Variants in CCR6 observed in about 807,000 individuals in gnomAD.
CCR6 encodes C-C motif chemokine receptor 6, also known as C-C chemokine receptor type 6.
In CCR6, 2 loss-of-function variants were observed where a neutral mutation model predicts 3.0. That is an observed-to-expected ratio of 0.66 (90% confidence interval 0.27 to 2.07). The LOEUF (loss-of-function observed/expected upper bound fraction) is 2.07, where lower values mean the gene tolerates loss of function less well. Ranked by LOEUF, CCR6 falls within the 30% of genes most tolerant of loss-of-function variation. CCR6 has a pLI of 0.14. For missense variants in CCR6, 322 were observed against 462.8 expected (o/e 0.70, Z 2.79); for synonymous variants, 193 against 184.3 (o/e 1.05, Z -0.38).
chr6:167,131,672 C>T, intron 1 of CCR6: 1 of 153,552 alleles, frequency 6.5e-6, no homozygotes. Flanking sequence ...CCCACCGTCC[C>T]CGCCTCTGTC....
chr6:167,136,070 T>G lies in CCR6; in HGVS notation c.-65T>G. Reference sequence around the variant, plus strand: ...TCTACTTTCCTGCTACCGCTGCCTGTGAGCTGAAGGGGCTGAACCATACAC... The same window carrying G: ...TCTACTTTCCTGCTACCGCTGCCTGGGAGCTGAAGGGGCTGAACCATACAC... On this transcript the variant is annotated 5_prime_UTR_variant, in exon 2 of 3. Transcript: ENST00000341935. This position sits in a 1 kb window ranked among gnomAD's most constrained non-coding sequence, Gnocchi z 4.6. 1 of 1,577,822 alleles carries G rather than the reference T, an allele frequency of 6.3e-7. No homozygotes were observed. Among genetic ancestry groups the G allele is most frequent in the Non-Finnish European group, 8.6e-7 (1 of 1,161,660 alleles).
intron 1 of CCR6, among the ~76,000 whole-genome samples, chr6:167,134,391 G>T (rs1781818154): frequency 6.6e-6 from 1 of 152,176 alleles, no homozygotes; most frequent in Non-Finnish European, 1.5e-5. Flanking sequence ...TTACAAAAGT[G>T]CAGAGGTGAC....
At chr6:167,114,967 C>A (rs564239875) in intron 1 of CCR6, 1 of 152,362 alleles carries the variant, frequency 6.6e-6, no homozygotes, top group East Asian at 1.9e-4. Flanking sequence ...GCTTTCAGAT[C>A]TCTTTCTGGT....
At chr6:167,122,904 C>T (rs987652590), upstream of CCR6, 4 of 152,376 alleles carry the variant, frequency 2.6e-5, no homozygotes, top group African/African-American at 9.7e-5. The surrounding 1 kb of genome is among the most constrained non-coding windows in gnomAD (Gnocchi z 4.2). Flanking sequence ...CTGTCTTCCT[C>T]TGGGGAGTTC....
chr6:167,129,483 T>C (rs987053077), intron 1 of CCR6: 1 of 152,262 alleles, frequency 6.6e-6, no homozygotes, highest in African/African-American at 2.4e-5. Context: ...TTATCTTCTT[T>C]CTCTCTGCAA....
intron 1 of CCR6, among the ~76,000 whole-genome samples, chr6:167,135,428 G>A (rs549433555): frequency 2.6e-5 from 4 of 152,328 alleles, no homozygotes; most frequent in East Asian, 3.9e-4. Context: ...CCTCTCCAGC[G>A]CCTTCCCAGG....
intron 1 of CCR6, chr6:167,117,045 A>T (rs1416704852): frequency 6.6e-6 from 1 of 152,212 alleles, no homozygotes; most frequent in African/African-American, 2.4e-5. Flanking sequence ...GCTGTCCATC[A>T]TCCATCACTG....
rs768420505 is a variant in CCR6 at position 167,136,734 on chromosome 6, C to A, written c.504C>A (p.Cys168Ter). 1 of 1,614,042 alleles carries A rather than the reference C, an allele frequency of 6.2e-7. No homozygotes were observed. Among genetic ancestry groups the A allele is most frequent in the South Asian group, 1.1e-5 (1 of 91,080 alleles). ...CACTACCGCGCAGCAAAATCATCTG[C>A]CTTGTTGTGTGGGGGCTGTCAGTCA... ...SRTLPRSKII[C>*]LVVWGLSVII... The change falls in exon 3 of 3, where the codon TGC becomes TGA. Residue 168 changes from cysteine (C) to a stop codon, truncating the protein, a stop_gained. Transcript: ENST00000341935. LOFTEE classifies it low-confidence loss of function (END_TRUNC). This position sits in a 1 kb window ranked among gnomAD's most constrained non-coding sequence, Gnocchi z 4.6.
intron 1 of CCR6, chr6:167,112,127 A>T (rs960446986): frequency 6.6e-6 from 1 of 152,192 alleles, no homozygotes; most frequent in Non-Finnish European, 1.5e-5. Context: ...TTATCAAGTC[A>T]TGCATTGCGA....
rs182569987 is a variant in CCR6 at position 167,112,842 on chromosome 6, C to T, written c.-98+828C>T. Among the ~76,000 whole-genome samples the T allele has an allele frequency of 2.0e-3, 309 of 152,214 alleles. 1 individual carries two copies. The highest frequency in any genetic ancestry group is 7.1e-3 in the African/African-American group (294 of 41,520). On this transcript the variant is annotated intron_variant, in intron 1 of 2. Transcript: ENST00000400926. Reference sequence around the variant, plus strand: ...ACAGATGTGTCTGGAACGTGTGTCTCTGGATACACTGATGGGTCTGCTTCA... The same window carrying T: ...ACAGATGTGTCTGGAACGTGTGTCTTTGGATACACTGATGGGTCTGCTTCA...
At position 167,136,835 on chromosome 6, in the gene CCR6, A is replaced by G. The variant is rs749023321; in HGVS notation, c.605A>G (p.Gln202Arg). ...QGSDVCEPKY[Q>R]TVSEPIRWKL... ...AGCGATGTCTGTGAACCCAAGTACC[A>G]GACTGTCTCGGAGCCCATCAGGTGG... The change falls in exon 3 of 3, where the codon CAG (glutamine) becomes CGG (arginine). Residue 202 changes from glutamine to arginine, a missense_variant. Transcript: ENST00000341935. The surrounding 1 kb of genome is among the most constrained non-coding windows in gnomAD (Gnocchi z 4.6). The G allele has an allele frequency of 7.4e-6, 12 of 1,614,184 alleles. No homozygotes were observed. The highest frequency in any genetic ancestry group is 1.0e-5 in the Non-Finnish European group (12 of 1,180,032).
At chr6:167,130,986 T>G (rs5014885) in intron 1 of CCR6, among the ~76,000 whole-genome samples, 16 of 104,734 alleles carry the variant, frequency 1.5e-4, no homozygotes, top group East Asian at 9.5e-4. Flanking sequence ...ACCCTCCCTC[T>G]GGACCCCCTC....
In CCR6 at chr6:167,137,088, A is replaced by G; in HGVS notation, c.858A>G (p.Arg286=). The change falls in exon 3 of 3, where the codon CGA becomes CGG. Residue 286 remains arginine, a synonymous_variant. Transcript: ENST00000341935. This position sits in a 1 kb window ranked among gnomAD's most constrained non-coding sequence, Gnocchi z 4.6. ...VTAANLGKMN[R]SCQSEKLIGY... ...CTGCAAATTTGGGTAAAATGAACCG[A>G]TCCTGCCAGAGCGAAAAGCTAATTG... 1 of 1,614,186 alleles carries G rather than the reference A, an allele frequency of 6.2e-7. No individual in the cohort carries two copies. Among genetic ancestry groups the G allele is most frequent in the Non-Finnish European group, 8.5e-7 (1 of 1,180,034 alleles).
At chr6:167,134,169 T>A (rs546982024) in intron 1 of CCR6, among the ~76,000 whole-genome samples, 2 of 152,016 alleles carry the variant, frequency 1.3e-5, no homozygotes, top group African/African-American at 2.4e-5. Flanking sequence ...GGTTGTTACA[T>A]TTTGTAGGTT....
At chr6:167,118,278 A>G (rs1303261497), upstream of CCR6, among the ~76,000 whole-genome samples, 1 of 152,216 alleles carries the variant, frequency 6.6e-6, no homozygotes, top group Non-Finnish European at 1.5e-5. Context: ...CGATCTTCAC[A>G]TGAATCATTT....
intron 1 of CCR6, among the ~76,000 whole-genome samples, chr6:167,131,882 A>C (rs1459857061): frequency 6.6e-6 from 1 of 152,202 alleles, no homozygotes; most frequent in Non-Finnish European, 1.5e-5. Context: ...TGAAGGGTAC[A>C]ATTCAACAGG....
chr6:167,122,345 T>C (rs1307715293), upstream of CCR6, among the ~76,000 whole-genome samples: 1 of 152,252 alleles, frequency 6.6e-6, no homozygotes, highest in Non-Finnish European at 1.5e-5. This position sits in a 1 kb window ranked among gnomAD's most constrained non-coding sequence, Gnocchi z 4.2. Flanking sequence ...TTTAAGCACT[T>C]GCATCTACAA....
intron 1 of CCR6, among the ~76,000 whole-genome samples, chr6:167,133,932 G>GTGTGTGTATATATATATATA (rs1183741225): frequency 3.0e-4 from 33 of 110,330 alleles, no homozygotes; most frequent in Non-Finnish European, 4.9e-4. Flanking sequence ...ATATATGTGT[G>GTGTGTGTATATATATATATA]TATATATATA....
intron 1 of CCR6, among the ~76,000 whole-genome samples, chr6:167,126,057 G>A (rs964679143): frequency 6.6e-6 from 1 of 152,142 alleles, no homozygotes; most frequent in African/African-American, 2.4e-5. Context: ...AAAGAGTAGG[G>A]TGGTGGCTTG....
Sources: allele counts gnomAD v4.1 joint callset (sites outside exome capture counted in the v4.1 genomes callset), GRCh38; gene constraint gnomAD v4.1.1; non-coding constraint Gnocchi (gnomAD v3.1); transcripts MANE v1.5; gene names NCBI Gene and HGNC (gene_info 2026-07-23, HGNC 2026-07-21).